Variants in FYTTD1 observed in about 807,000 individuals in gnomAD.
FYTTD1 encodes the protein forty-two-three domain containing 1.
In FYTTD1, 22 loss-of-function variants were observed where a neutral mutation model predicts 40.9. The ratio of observed to expected loss-of-function variants is 0.54; its 90% confidence interval spans 0.38 to 0.77. The LOEUF is 0.77. Among genes scored for constraint, FYTTD1 ranks in the 30% least tolerant of loss-of-function variants. The pLI is 0.00. For synonymous variants in FYTTD1, 140 were observed against 137.9 expected, an observed-to-expected ratio of 1.01 and a Z score of -0.10; for missense variants, 351 against 392.2, an observed-to-expected ratio of 0.90 and a Z score of 0.89.
chr3:197,764,558 A>C (rs1028643077), intron 2 of FYTTD1, among the ~76,000 whole-genome samples: 3 of 151,972 alleles, frequency 2.0e-5, no homozygotes, highest in African/African-American at 7.2e-5. Context: ...AAATGCAAAA[A>C]ATTAGCTGGG....
intron 5 of FYTTD1, 33 bp from the exon 6 acceptor site, chr3:197,774,116 C>T: frequency 1.9e-6 from 3 of 1,585,396 alleles, no homozygotes; most frequent in Non-Finnish European, 2.6e-6. Context: ...CCTCTGCTTT[C>T]TGTGGTACCT....
At chr3:197,777,144 C>T (rs1233618606) in intron 7 of FYTTD1, 143 bp downstream of exon 7, 1 of 596,904 alleles carries the variant, frequency 1.7e-6, no homozygotes. Flanking sequence ...AATATGGAAA[C>T]AGTATATGGT....
intron 1 of FYTTD1, among the ~76,000 whole-genome samples, chr3:197,754,502 G>T (rs1018877027): frequency 2.0e-5 from 3 of 152,036 alleles, no homozygotes; most frequent in Admixed American, 1.3e-4. Flanking sequence ...CTTCTGGAAA[G>T]ACTAATTATA....
chr3:197,778,423 G>A lies in FYTTD1; in HGVS notation c.817G>A (p.Gly273Ser), dbSNP rs754649725. 1 of 1,610,878 alleles carries A rather than the reference G, an allele frequency of 6.2e-7. No individual in the cohort carries two copies. The highest frequency in any genetic ancestry group is 8.5e-7 in the Non-Finnish European group (1 of 1,177,666). ...EQSDVKKVPK[G>S]VPLQFDINSV... is the part of the protein sequence containing the mutation. ...AAGTGACGTCAAGAAAGTTCCTAAAGGTGTTCCCCTGCAGTTTGACATAAA... is the reference window on the plus strand; with the variant it reads ...AAGTGACGTCAAGAAAGTTCCTAAAAGTGTTCCCCTGCAGTTTGACATAAA... Residue 273 changes from glycine to serine, a missense_variant, in exon 8 of 9, where the codon GGT becomes AGT. Transcript: ENST00000241502.
intron 8 of FYTTD1, among the ~76,000 whole-genome samples, chr3:197,780,546 ATT>A (rs1213633153): frequency 6.9e-6 from 1 of 145,852 alleles, no homozygotes. Context: ...TTAGGCATAG[ATT>A]TTTTTTTTTT....
Position 197,767,213 on chromosome 3 carries a change from C to T in FYTTD1, c.236-1226C>T, listed in dbSNP as rs1159868700. Among the ~76,000 whole-genome samples, 3 of 152,090 alleles carry T rather than the reference C, an allele frequency of 2.0e-5. No homozygotes were observed. The East Asian group carries it at 5.8e-4, about 29-fold the overall frequency. On this transcript the variant is annotated intron_variant, in intron 2 of 8. Coordinates refer to ENST00000241502, the MANE Select transcript of FYTTD1 (RefSeq NM_032288.7). ...GAAGTGCAGTGGCACGATCTCGGCT[C>T]ACTGCAAGCTCCGCCTCCCAGTTCA...
chr3:197,757,327 T>G (rs1366884751), intron 2 of FYTTD1, among the ~76,000 whole-genome samples: 1 of 152,244 alleles, frequency 6.6e-6, no homozygotes, highest in Non-Finnish European at 1.5e-5. Context: ...AAATATTTGT[T>G]GAAATAAAAG....
At chr3:197,761,469 T>C (rs373805575) in intron 2 of FYTTD1, among the ~76,000 whole-genome samples, 2 of 151,808 alleles carry the variant, frequency 1.3e-5, no homozygotes, top group African/African-American at 2.4e-5. Context: ...AGTGGTAGAA[T>C]GTATAAAGTG....
chr3:197,765,104 C>A (rs2109044355), intron 2 of FYTTD1, among the ~76,000 whole-genome samples: 1 of 152,290 alleles, frequency 6.6e-6, no homozygotes, highest in South Asian at 2.1e-4. Context: ...CCACCCGCCT[C>A]AGCCTCACTA....
In FYTTD1 at chr3:197,784,654, G is replaced by A. The variant is rs1419662830; in HGVS notation, c.*2745G>A. 1 of 152,182 alleles carries A rather than the reference G, an allele frequency of 6.6e-6. No individual in the cohort carries two copies. Among genetic ancestry groups the A allele is most frequent in the Non-Finnish European group, 1.5e-5 (1 of 68,062 alleles). 9.4% of individuals were successfully genotyped at this position (152,182 alleles called of 1,614,324 possible). On this transcript the variant is annotated 3_prime_UTR_variant, in exon 9 of 9. Coordinates refer to ENST00000241502, the MANE Select transcript of FYTTD1 (RefSeq NM_032288.7). ...TAAAAATACAGACATTAGCTGGTGTGGTGACATGTGCCTGTGGTCCCAGCT... is the reference window on the plus strand; with the variant it reads ...TAAAAATACAGACATTAGCTGGTGTAGTGACATGTGCCTGTGGTCCCAGCT...
chr3:197,781,698 T>A (rs1730031884), intron 8 of FYTTD1, 113 bp from the exon 9 acceptor site: 3 of 693,536 alleles, frequency 4.3e-6, no homozygotes, highest in Non-Finnish European at 7.3e-6. Context: ...ATTTTAGCTG[T>A]CATTACTTGT....
intron 8 of FYTTD1, among the ~76,000 whole-genome samples, chr3:197,780,448 G>A (rs905375046): frequency 3.9e-5 from 6 of 152,182 alleles, no homozygotes; most frequent in African/African-American, 7.2e-5. Flanking sequence ...CCAATGTTGA[G>A]TAGAAGTGGT....
chr3:197,777,327 G>A (rs187536801), intron 7 of FYTTD1, among the ~76,000 whole-genome samples: 1 of 152,230 alleles, frequency 6.6e-6, no homozygotes, highest in East Asian at 1.9e-4. Context: ...CATGATCATG[G>A]CTTATTGCAG....
intron 4 of FYTTD1, among the ~76,000 whole-genome samples, chr3:197,772,010 C>T (rs1370413091): frequency 6.6e-6 from 1 of 152,156 alleles, no homozygotes; most frequent in Admixed American, 6.5e-5. Context: ...AGGAGAATCG[C>T]TTAAACCTGG....
intron 1 of FYTTD1, among the ~76,000 whole-genome samples, chr3:197,751,732 A>AG (rs1396673955): frequency 6.6e-6 from 1 of 151,760 alleles, no homozygotes; most frequent in Non-Finnish European, 1.5e-5. Context: ...ACTACCTACC[A>AG]GGTCCTGTAC....
intron 1 of FYTTD1, among the ~76,000 whole-genome samples, chr3:197,755,352 A>G (rs760356006): frequency 2.0e-5 from 3 of 152,210 alleles, no homozygotes; most frequent in Non-Finnish European, 4.4e-5. Flanking sequence ...CATGTAGTAT[A>G]TGCTCAGTAA....
chr3:197,750,264 G>T, intron 1 of FYTTD1, 190 bp downstream of exon 1: 3 of 922,846 alleles, frequency 3.3e-6, no homozygotes, highest in Non-Finnish European at 4.3e-6. Context: ...CGGCTGGACC[G>T]CGAGGGACCC....
chr3:197,751,651 C>T (rs1215143921), intron 1 of FYTTD1, among the ~76,000 whole-genome samples: 1 of 148,064 alleles, frequency 6.8e-6, no homozygotes, highest in Non-Finnish European at 1.5e-5. Context: ...TCCCCCCCCG[C>T]AAAAAAGAGA....
At position 197,786,285 on chromosome 3, in the gene FYTTD1, T is replaced by C. The variant is rs899533415; in HGVS notation, c.*4376T>C. On this transcript the variant is annotated 3_prime_UTR_variant, in exon 9 of 9. Transcript: ENST00000241502. ...TGCCCACCACCATGCCCAGTTAATT[T>C]TGCATTTTTAGTAGAGACGGGGTTT... 2 of 151,856 alleles carry C rather than the reference T, an allele frequency of 1.3e-5. No individual in the cohort carries two copies. The highest frequency in any genetic ancestry group is 4.8e-5 in the African/African-American group (2 of 41,298). The allele number at this position is 151,856 out of a possible 1,614,324, so 9.4% of individuals were successfully genotyped here.
Sources: gnomAD v4.1 joint callset for allele counts (sites outside exome capture counted in the v4.1 genomes callset) on GRCh38, gnomAD v4.1.1 for gene constraint, MANE v1.5 for transcripts, NCBI Gene and HGNC (gene_info 2026-07-23, HGNC 2026-07-21) for gene names.